Variants in PTPRK observed in about 807,000 individuals in gnomAD.
The protein encoded by PTPRK is receptor-type tyrosine-protein phosphatase kappa.
A neutral mutation model predicts 178.0 loss-of-function variants in PTPRK; 75 were observed. That is an observed-to-expected ratio of 0.42 (90% CI 0.35 to 0.51). The LOEUF (loss-of-function observed/expected upper bound fraction) is 0.51. PTPRK is among the 20% of genes least tolerant of loss of function. The pLI is 0.02. For missense variants in PTPRK, 1,441 were observed against 1,797.8 expected, an observed-to-expected ratio of 0.80 and a Z score of 3.59; for synonymous variants, 637 against 620.6, an observed-to-expected ratio of 1.03 and a Z score of -0.39.
At chr6:128,405,196 G>T (rs1270071751) in intron 1 of PTPRK, among the ~76,000 whole-genome samples, 1 of 152,036 alleles carries the variant, frequency 6.6e-6, no homozygotes, top group Admixed American at 6.6e-5. Context: ...GTGACTTAAG[G>T]CTGAAAATTT....
chr6:128,273,057 T>TTATC (rs1820122896), intron 3 of PTPRK, among the ~76,000 whole-genome samples: 1 of 152,148 alleles, frequency 6.6e-6, no homozygotes, highest in African/African-American at 2.4e-5. Flanking sequence ...ATGTCCTTTG[T>TTATC]AGGGACATGG....
intron 1 of PTPRK, among the ~76,000 whole-genome samples, chr6:128,497,926 T>C (rs1362163890): frequency 6.6e-6 from 1 of 152,154 alleles, no homozygotes; most frequent in Non-Finnish European, 1.5e-5. Flanking sequence ...TTACGAAGTA[T>C]TTTTAACAAT....
intron 13 of PTPRK, among the ~76,000 whole-genome samples, chr6:128,058,135 T>C (rs547926363): frequency 1.4e-4 from 21 of 152,300 alleles, no homozygotes; most frequent in African/African-American, 5.1e-4. Context: ...AATTTTGTAC[T>C]ACATGTTTTT....
At chr6:128,274,894 G>T (rs1820471184) in intron 3 of PTPRK, among the ~76,000 whole-genome samples, 1 of 151,926 alleles carries the variant, frequency 6.6e-6, no homozygotes, top group African/African-American at 2.4e-5. Context: ...GGCCTTTTTG[G>T]TGCTGGTGAG....
intron 2 of PTPRK, among the ~76,000 whole-genome samples, chr6:128,324,142 C>A (rs1448279542): frequency 6.6e-6 from 1 of 152,108 alleles, no homozygotes; most frequent in African/African-American, 2.4e-5. Context: ...AGCATCTTCA[C>A]AAACCTGTAG....
chr6:128,424,770 T>A (rs1843906198), intron 1 of PTPRK, among the ~76,000 whole-genome samples: 1 of 152,150 alleles, frequency 6.6e-6, no homozygotes, highest in Non-Finnish European at 1.5e-5. Context: ...TTTCAGTAAA[T>A]CTGACTTCAT....
At chr6:128,003,343 T>C in intron 15 of PTPRK, 2 of 1,092,264 alleles carry the variant, frequency 1.8e-6, no homozygotes, top group Non-Finnish European at 2.6e-6. Flanking sequence ...TTATTAAACT[T>C]TCTCAGATTA....
intron 3 of PTPRK, among the ~76,000 whole-genome samples, chr6:128,298,820 T>C (rs1444808022): frequency 5.3e-5 from 8 of 152,182 alleles, no homozygotes; most frequent in Non-Finnish European, 1.5e-5. Flanking sequence ...AAGACAGGGA[T>C]GCCCTCTCTC....
chr6:127,971,701 G>A (rs974250002), intron 29 of PTPRK, among the ~76,000 whole-genome samples: 3 of 151,994 alleles, frequency 2.0e-5, no homozygotes, highest in African/African-American at 7.2e-5. Context: ...GTCCCAGAAT[G>A]GCACAGTTTA....
chr6:128,067,346 G>C, intron 12 of PTPRK, 173 bp downstream of exon 12: 1 of 551,242 alleles, frequency 1.8e-6, no homozygotes, highest in Non-Finnish European at 2.8e-6. Context: ...CTGGCGTGCG[G>C]CCTCAGCCCT....
At chr6:128,018,809 GGA>G (rs1773000269) in intron 13 of PTPRK, among the ~76,000 whole-genome samples, 1 of 151,924 alleles carries the variant, frequency 6.6e-6, no homozygotes. Flanking sequence ...TTAGATGGAG[GGA>G]AGTCTACTTT....
chr6:128,102,857 C>G (rs1445787019), intron 7 of PTPRK, among the ~76,000 whole-genome samples: 1 of 152,148 alleles, frequency 6.6e-6, no homozygotes, highest in East Asian at 1.9e-4. Flanking sequence ...AGTTCAAAAA[C>G]CTGAGAATCA....
chr6:128,173,104 T>C (rs1800544901), intron 7 of PTPRK, among the ~76,000 whole-genome samples: 1 of 152,006 alleles, frequency 6.6e-6, no homozygotes, highest in African/African-American at 2.4e-5. Flanking sequence ...AAACCAACAG[T>C]AAACTACATT....
At position 128,261,373 on chromosome 6, in the gene PTPRK, A is replaced by G. The variant is rs893784945; in HGVS notation, c.496-18771T>C. The stretch of plus-strand genomic sequence containing the variant: ...TATAACAAAAAACAGCAAATTTTCC[A>G]AACTAGCACTTAAGATATTTTATTA... On this transcript the variant is annotated intron_variant, in intron 3 of 29. Coordinates refer to ENST00000368226, the MANE Select transcript of PTPRK (RefSeq NM_002844.4). Among the ~76,000 whole-genome samples the G allele has an allele frequency of 2.5e-4, 38 of 152,228 alleles. 2 individuals carry two copies. Among genetic ancestry groups the G allele is most frequent in the Admixed American group, 2.2e-3 (34 of 15,272 alleles).
At chr6:128,210,176 T>C (rs1269890366) in intron 6 of PTPRK, among the ~76,000 whole-genome samples, 1 of 152,072 alleles carries the variant, frequency 6.6e-6, no homozygotes, top group Non-Finnish European at 1.5e-5. Context: ...TCAAAGGCTA[T>C]GCAATAAAAT....
At position 127,982,836 on chromosome 6, in the gene PTPRK, A is replaced by G. The variant is rs1393799344; in HGVS notation, c.3532T>C (p.Phe1178Leu). 1 of 1,606,942 alleles carries G rather than the reference A, an allele frequency of 6.2e-7. No homozygotes were observed. The highest frequency in any genetic ancestry group is 8.5e-7 in the Non-Finnish European group (1 of 1,176,492). ...QTNSSHLKDE[F>L]QTLNSVTPRL... ...GTTTTAGAAATAGTTAATACCTGAA[A>G]TTCATCCTTGAGATGTGAAGAGTTA... is the stretch of plus-strand genomic sequence containing the variant. The change falls in exon 24 of 30, where the codon TTT (phenylalanine) becomes CTT (leucine). Residue 1178 changes from phenylalanine (F) to leucine (L), a missense_variant. Transcript: ENST00000368226.
intron 5 of PTPRK, among the ~76,000 whole-genome samples, chr6:128,229,764 C>T (rs1268957020): frequency 6.6e-6 from 1 of 151,890 alleles, no homozygotes; most frequent in African/African-American, 2.4e-5. Context: ...TATTTAAATC[C>T]ATGAGTGTAT....
At chr6:128,502,165 G>GTT (rs1320073159) in intron 1 of PTPRK, among the ~76,000 whole-genome samples, 2 of 152,302 alleles carry the variant, frequency 1.3e-5, no homozygotes, top group Admixed American at 6.5e-5. Context: ...AATGTCCATA[G>GTT]TTCAAAGACA....
chr6:128,213,798 A>G (rs1808700234), intron 6 of PTPRK, among the ~76,000 whole-genome samples: 1 of 152,136 alleles, frequency 6.6e-6, no homozygotes, highest in Non-Finnish European at 1.5e-5. Context: ...AGATTAGAGT[A>G]CCGGAATAGA....
Sources: gnomAD v4.1 joint callset for allele counts (sites outside exome capture counted in the v4.1 genomes callset) on GRCh38, gnomAD v4.1.1 for gene constraint, MANE v1.5 for transcripts, NCBI Gene and HGNC (gene_info 2026-07-23, HGNC 2026-07-21) for gene names.